The following COL19A1 variants were observed in gnomAD, a reference collection of about 807,000 sequenced individuals.
COL19A1 encodes the protein collagen alpha-1(XIX) chain.
COL19A1 carries 159 observed loss-of-function variants against 190.2 expected under a neutral mutation model. The ratio of observed to expected loss-of-function variants is 0.84; its 90% CI spans 0.73 to 0.95. COL19A1 has a LOEUF of 0.95. Ranked by LOEUF, COL19A1 falls within the 40% of genes least tolerant of loss-of-function variation. The pLI, the probability that COL19A1 is intolerant of heterozygous loss-of-function variation, is 0.00. For missense variants in COL19A1, 1,418 were observed against 1,431.9 expected (o/e 0.99, Z 0.16); for synonymous variants, 509 against 458.9 (o/e 1.11, Z -1.39).
rs180770669 is a variant in COL19A1 at position 69,995,877 on chromosome 6, T to C, written c.1027-27750T>C. On this transcript the variant is annotated intron_variant, in intron 11 of 50. Transcript: ENST00000620364. ...TCCTTTCTCTCCTTGGAGAAATAAC[T>C]TAATTAGGTATATGTCACAAATGCA... 1.4e-4 allele frequency among the ~76,000 whole-genome samples: 22 copies of C among 152,278 alleles called. No individual in the cohort carries two copies. In the East Asian group the frequency reaches 3.7e-3, roughly 25 times the overall value.
intron 11 of COL19A1, among the ~76,000 whole-genome samples, chr6:69,984,719 G>A (rs1776222753): frequency 6.6e-6 from 1 of 152,058 alleles, no homozygotes; most frequent in Admixed American, 6.6e-5. Flanking sequence ...CGAAGGACAT[G>A]GAAGTCCCCC....
At chr6:70,116,249 C>A (rs1784572915) in intron 16 of COL19A1, among the ~76,000 whole-genome samples, 1 of 152,154 alleles carries the variant, frequency 6.6e-6, no homozygotes, top group Non-Finnish European at 1.5e-5. Flanking sequence ...TTGGAAGAAG[C>A]AAGCCCTTTG....
chr6:70,055,366 G>T (rs1283631790), intron 14 of COL19A1, among the ~76,000 whole-genome samples: 1 of 151,384 alleles, frequency 6.6e-6, no homozygotes, highest in Non-Finnish European at 1.5e-5. Flanking sequence ...CATGTACCAG[G>T]TTGTTCATTT....
chr6:70,183,595 G>C (rs1007366058), intron 44 of COL19A1, among the ~76,000 whole-genome samples: 1 of 152,160 alleles, frequency 6.6e-6, no homozygotes, highest in Non-Finnish European at 1.5e-5. Context: ...TTCCTTGTGT[G>C]TCTGAATGTA....
intron 15 of COL19A1, among the ~76,000 whole-genome samples, chr6:70,100,532 A>ATT (rs35019848): frequency 6.5e-5 from 7 of 107,130 alleles, no homozygotes; most frequent in Non-Finnish European, 9.7e-5. Context: ...TGTGTTTTTA[A>ATT]TTTTTTTTTT....
At chr6:70,060,395 G>A (rs1323157050) in intron 14 of COL19A1, among the ~76,000 whole-genome samples, 3 of 152,152 alleles carry the variant, frequency 2.0e-5, no homozygotes, top group South Asian at 2.1e-4. Flanking sequence ...CCCAACCCCC[G>A]GGAAAAGGAC....
At position 69,943,415 on chromosome 6, in the gene COL19A1, G is replaced by A. The variant is rs138527542; in HGVS notation, c.936+5315G>A. On this transcript the variant is annotated intron_variant, in intron 9 of 50. Transcript: ENST00000620364. ...TACAAAAGCTTTTTATTGCAATATGGTCCCATTTGTCTATTTTTGCTTTGG... is the reference window on the plus strand; with the variant it reads ...TACAAAAGCTTTTTATTGCAATATGATCCCATTTGTCTATTTTTGCTTTGG... Among the ~76,000 whole-genome samples the A allele has an allele frequency of 2.2e-3, 329 of 152,080 alleles. 8 individuals are homozygous for A. Among genetic ancestry groups the A allele is most frequent in the Admixed American group, 0.019 (295 of 15,228 alleles).
chr6:69,932,971 G>T, intron 7 of COL19A1, 108 bp downstream of exon 7: 1 of 604,854 alleles, frequency 1.7e-6, no homozygotes. Flanking sequence ...TTCTGTTGAA[G>T]CCAGGTGGGT....
At chr6:70,095,128 C>A (rs1400922967) in intron 15 of COL19A1, among the ~76,000 whole-genome samples, 1 of 152,038 alleles carries the variant, frequency 6.6e-6, no homozygotes. Flanking sequence ...TTAGGTTTGC[C>A]CATTTTGTTC....
intron 16 of COL19A1, among the ~76,000 whole-genome samples, chr6:70,106,338 G>C (rs550992513): frequency 3.3e-5 from 5 of 152,016 alleles, no homozygotes; most frequent in Middle Eastern, 3.4e-3. Context: ...GCGTGTGTGT[G>C]TGTGTGTGTG....
chr6:70,153,996 T>C (rs554881681), intron 31 of COL19A1, among the ~76,000 whole-genome samples: 2 of 152,080 alleles, frequency 1.3e-5, no homozygotes, highest in Admixed American at 6.6e-5. Context: ...CTGGGGTACA[T>C]GTGCAGAACG....
In COL19A1 at chr6:70,142,712, T is replaced by A. The variant is rs1197363820; in HGVS notation, c.1573-55T>A. 3 of 1,453,998 alleles carry A rather than the reference T, an allele frequency of 2.1e-6. No homozygotes were observed. In the South Asian group the frequency reaches 3.7e-5, roughly 18 times the overall value. 90.1% of individuals were successfully genotyped at this position (1,453,998 alleles called of 1,614,324 possible). A position where few individuals can be genotyped will look rare whatever the true frequency, so the allele number is the denominator to read the frequency against. On this transcript the variant is annotated intron_variant, in intron 22 of 50. Coordinates refer to ENST00000620364, the MANE Select transcript of COL19A1 (RefSeq NM_001858.6). ...TCTTTACAAATACTCAGGTACAATC[T>A]ATCTTTTTTTTTCTTTTTTAGCAAA...
intron 11 of COL19A1, among the ~76,000 whole-genome samples, chr6:69,967,136 G>A (rs1775159831): frequency 6.6e-6 from 1 of 152,186 alleles, no homozygotes; most frequent in African/African-American, 2.4e-5. Flanking sequence ...GAAACATCCA[G>A]TGGCAACTGC....
At chr6:70,041,871 G>A (rs1427836936) in intron 14 of COL19A1, among the ~76,000 whole-genome samples, 1 of 151,824 alleles carries the variant, frequency 6.6e-6, no homozygotes, top group African/African-American at 2.4e-5. Flanking sequence ...GGTCAACATG[G>A]CAAAACCTCA....
chr6:70,080,624 G>GTAAAATATT (rs1353995600), intron 15 of COL19A1, among the ~76,000 whole-genome samples: 2 of 152,256 alleles, frequency 1.3e-5, no homozygotes, highest in South Asian at 4.1e-4. Flanking sequence ...TGAGGTCAGG[G>GTAAAATATT]TAAAATATTG....
chr6:70,104,023 C>T (rs545780821), intron 16 of COL19A1, among the ~76,000 whole-genome samples: 1 of 152,176 alleles, frequency 6.6e-6, no homozygotes, highest in Non-Finnish European at 1.5e-5. Flanking sequence ...CCCTAGGAAT[C>T]TCTTAGGATG....
chr6:70,115,833 T>G (rs531683958), intron 16 of COL19A1, among the ~76,000 whole-genome samples: 1 of 141,442 alleles, frequency 7.1e-6, no homozygotes, highest in East Asian at 2.0e-4. Context: ...TTGTTTTTTT[T>G]TTTTTTTTTG....
rs13194248 is a variant in COL19A1 at position 69,879,819 on chromosome 6, T to A, written c.91+161T>A. The A allele has an allele frequency of 0.18, 121,580 of 663,968 alleles. 12,018 individuals carry two copies. The highest frequency in any genetic ancestry group is 0.24 in the East Asian group (8,668 of 36,296). 41.1% of individuals were successfully genotyped at this position (663,968 alleles called of 1,614,324 possible). A position where few individuals can be genotyped will look rare whatever the true frequency, so the allele number is the denominator to read the frequency against. The stretch of plus-strand genomic sequence containing the variant: ...TCCATTGATCTTCCCATGATGCACA[T>A]TAGGAATTCCTAAAATTACCTCATT... On this transcript the variant is annotated intron_variant, in intron 2 of 50. Coordinates refer to ENST00000620364, the MANE Select transcript of COL19A1 (RefSeq NM_001858.6).
At chr6:69,899,951 A>G (rs1042691178) in intron 3 of COL19A1, among the ~76,000 whole-genome samples, 3 of 152,174 alleles carry the variant, frequency 2.0e-5, no homozygotes, top group African/African-American at 7.2e-5. Context: ...AGTTACTCTA[A>G]TTTTTACTTA....
Sources: allele counts gnomAD v4.1 joint callset (sites outside exome capture counted in the v4.1 genomes callset), GRCh38; gene constraint gnomAD v4.1.1; transcripts MANE v1.5; gene names NCBI Gene and HGNC (gene_info 2026-07-23, HGNC 2026-07-21).